SPATA13: variants seen among roughly 807,000 people sequenced by gnomAD.
SPATA13 encodes spermatogenesis associated 13, also known as spermatogenesis-associated protein 13.
A neutral mutation model predicts 104.0 loss-of-function variants in SPATA13; 50 were observed. The ratio of observed to expected loss-of-function variants is 0.48; its 90% CI spans 0.38 to 0.61. The LOEUF (loss-of-function observed/expected upper bound fraction) is 0.61. Ranked by LOEUF, SPATA13 falls within the 20% of genes least tolerant of loss-of-function variation. SPATA13 has a pLI of 0.00. For missense variants in SPATA13, 1,524 were observed against 1,690.6 expected, an observed-to-expected ratio of 0.90 and a Z score of 1.73; for synonymous variants, 606 against 667.5, an observed-to-expected ratio of 0.91 and a Z score of 1.42.
At chr13:24,038,270 C>A (rs931429340) in intron 3 of SPATA13, among the ~76,000 whole-genome samples, 1 of 152,134 alleles carries the variant, frequency 6.6e-6, no homozygotes, top group Non-Finnish European at 1.5e-5. Flanking sequence ...TTTTTAAACC[C>A]AATATCTGCT....
intron 12 of SPATA13, among the ~76,000 whole-genome samples, chr13:24,301,749 C>T (rs1439444482): frequency 6.6e-6 from 1 of 152,232 alleles, no homozygotes; most frequent in Non-Finnish European, 1.5e-5. Flanking sequence ...TGCTGACTTA[C>T]ACAGTTACGT....
intron 1 of SPATA13, among the ~76,000 whole-genome samples, chr13:24,209,874 A>G (rs960379515): frequency 2.0e-5 from 3 of 152,044 alleles, no homozygotes; most frequent in East Asian, 1.9e-4. Flanking sequence ...CTAATTCACA[A>G]TCCTGCCAGT....
intron 3 of SPATA13, among the ~76,000 whole-genome samples, chr13:24,059,646 T>A (rs1163687480): frequency 6.6e-6 from 1 of 152,216 alleles, no homozygotes; most frequent in Admixed American, 6.5e-5. Flanking sequence ...CAAGTAAGTA[T>A]AAGTGTGTCC....
chr13:24,196,070 C>T (rs904702998), intron 1 of SPATA13, among the ~76,000 whole-genome samples: 3 of 152,022 alleles, frequency 2.0e-5, no homozygotes. Flanking sequence ...TTCTTTGGTG[C>T]CAAGAAATTC....
At chr13:24,188,880 T>C (rs891370104) in intron 1 of SPATA13, among the ~76,000 whole-genome samples, 13 of 152,302 alleles carry the variant, frequency 8.5e-5, no homozygotes, top group Non-Finnish European at 4.4e-5. Flanking sequence ...TCATTTACCA[T>C]TCTGAAAATC....
At chr13:24,017,744 T>C in intron 3 of SPATA13, 1 of 976,972 alleles carries the variant, frequency 1.0e-6, no homozygotes, top group Non-Finnish European at 1.2e-6. Context: ...CCTTCCTCCT[T>C]CTTTCTCCTT....
At chr13:24,282,730 C>G (rs1398568327) in intron 4 of SPATA13, among the ~76,000 whole-genome samples, 1 of 152,220 alleles carries the variant, frequency 6.6e-6, no homozygotes, top group Non-Finnish European at 1.5e-5. Flanking sequence ...ACCATCACCA[C>G]AGTAGCACTC....
At chr13:24,262,192 A>G (rs6490889) in intron 4 of SPATA13, among the ~76,000 whole-genome samples, 99,857 of 152,100 alleles carry the variant, frequency 0.66, 33,785 homozygotes, top group East Asian at 0.91. Flanking sequence ...TTTTTTAAAT[A>G]AAATTAATTG....
Position 24,277,443 on chromosome 13 carries a change from C to CAA in SPATA13, c.2165-6674_2165-6673dup, listed in dbSNP as rs751513515. ...TGGGCAACAGAGCAAGACTCCGTCT[C>CAA]AAAAAAAAAAAAAAAAAAAGAAGAA... On this transcript the variant is annotated intron_variant, in intron 4 of 12. Coordinates refer to ENST00000382108, the MANE Select transcript of SPATA13 (RefSeq NM_001166271.3). Among the ~76,000 whole-genome samples, 95 of 50,678 alleles carry CAA rather than the reference C, an allele frequency of 1.9e-3. 1 individual carries two copies. The highest frequency in any genetic ancestry group is 5.8e-3 in the South Asian group (9 of 1,562). 33.2% of individuals were successfully genotyped at this position (50,678 alleles called of 152,430 possible).
intron 3 of SPATA13, chr13:24,123,449 G>A (rs562235797): frequency 4.3e-5 from 64 of 1,489,200 alleles, no homozygotes; most frequent in Middle Eastern, 2.0e-4. Flanking sequence ...CCATCTGATC[G>A]TTATAGATCT....
At chr13:24,118,913 T>TTTCTTTTCTTTTC (rs869184502) in intron 3 of SPATA13, among the ~76,000 whole-genome samples, 1 of 22,294 alleles carries the variant, frequency 4.5e-5, no homozygotes, top group Non-Finnish European at 9.2e-5. Context: ...TTTCTTTTCT[T>TTTCTTTTCTTTTC]TTTTTTTTTT....
At chr13:24,169,306 A>G (rs1882870050) in intron 1 of SPATA13, among the ~76,000 whole-genome samples, 1 of 152,138 alleles carries the variant, frequency 6.6e-6, no homozygotes, top group South Asian at 2.1e-4. Flanking sequence ...CTAACCCTGG[A>G]AAGCTCCCCT....
intron 3 of SPATA13, among the ~76,000 whole-genome samples, chr13:24,038,715 A>T (rs1003605653): frequency 3.9e-5 from 6 of 152,172 alleles, no homozygotes; most frequent in Non-Finnish European, 8.8e-5. Context: ...TATTTACAGA[A>T]ACAAGCAGGG....
intron 3 of SPATA13, among the ~76,000 whole-genome samples, chr13:24,087,173 C>G: frequency 6.6e-6 from 1 of 152,272 alleles, no homozygotes; most frequent in East Asian, 1.9e-4. Flanking sequence ...CTGGCAATGT[C>G]ACCACTCCCA....
At chr13:24,021,130 G>A (rs569615292) in intron 3 of SPATA13, among the ~76,000 whole-genome samples, 2 of 152,328 alleles carry the variant, frequency 1.3e-5, no homozygotes, top group South Asian at 4.1e-4. Flanking sequence ...ATATAAGGAA[G>A]GTATATTGAG....
intron 3 of SPATA13, among the ~76,000 whole-genome samples, chr13:24,136,190 TAAAC>T (rs1566116935): frequency 6.6e-6 from 1 of 152,180 alleles, no homozygotes; most frequent in Non-Finnish European, 1.5e-5. Context: ...TATTTTTAAA[TAAAC>T]AATCATGTGG....
intron 1 of SPATA13, among the ~76,000 whole-genome samples, chr13:24,202,602 T>C (rs1870483338): frequency 6.7e-6 from 1 of 150,324 alleles, no homozygotes; most frequent in Non-Finnish European, 1.5e-5. Context: ...TTTTTTTTTT[T>C]GTATTTGTAG....
intron 3 of SPATA13, among the ~76,000 whole-genome samples, chr13:24,039,667 G>T (rs2137726982): frequency 6.6e-6 from 1 of 152,152 alleles, no homozygotes; most frequent in South Asian, 2.1e-4. Flanking sequence ...TGGACTGGAG[G>T]GGTCCATAGG....
intron 4 of SPATA13, among the ~76,000 whole-genome samples, chr13:24,275,331 T>C (rs559917902): frequency 6.6e-6 from 1 of 151,992 alleles, no homozygotes; most frequent in African/African-American, 2.4e-5. Flanking sequence ...TTTCTAGGAG[T>C]GATGGTTAAC....
Sources: allele counts gnomAD v4.1 joint callset (sites outside exome capture counted in the v4.1 genomes callset), GRCh38; gene constraint gnomAD v4.1.1; transcripts MANE v1.5; gene names NCBI Gene and HGNC (gene_info 2026-07-23, HGNC 2026-07-21).